FAM81A: variants seen among roughly 807,000 people sequenced by gnomAD.
FAM81A encodes family with sequence similarity 81 member A.
FAM81A carries 19 observed loss-of-function variants against 46.7 expected under a neutral mutation model. The observed-to-expected ratio is 0.41, with a 90% CI of 0.28 to 0.60. The LOEUF (loss-of-function observed/expected upper bound fraction) is 0.60. FAM81A is among the 20% of genes least tolerant of loss of function. FAM81A has a pLI of 0.34. For missense variants in FAM81A, 377 were observed against 453.5 expected, an observed-to-expected ratio of 0.83 and a Z score of 1.53; for synonymous variants, 183 against 152.9, an observed-to-expected ratio of 1.20 and a Z score of -1.45.
intron 8 of FAM81A, among the ~76,000 whole-genome samples, chr15:59,520,754 A>G (rs927809125): frequency 6.6e-6 from 1 of 152,014 alleles, no homozygotes; most frequent in African/African-American, 2.4e-5. Flanking sequence ...TAGTAGAGAC[A>G]GGGTTTCGCC....
chr15:59,516,779 C>T lies in FAM81A; in HGVS notation c.921C>T (p.Ile307=), dbSNP rs373824463. The T allele has an allele frequency of 5.2e-5, 84 of 1,612,816 alleles. No homozygotes were observed. The highest frequency in any genetic ancestry group is 6.6e-5 in the Non-Finnish European group (78 of 1,179,564). Residue 307 remains isoleucine (I), a synonymous_variant, in exon 8 of 9, where the codon ATC becomes ATT. Coordinates refer to ENST00000288228, the MANE Select transcript of FAM81A (RefSeq NM_152450.3). The part of the protein sequence containing the change: ...RQEEEKMHGR[I]TKLELQMNQN... ...AAGAGGAGAAGATGCACGGGCGAATCACCAAGCTGGAGTTACAGATGAACC... is the reference window on the plus strand; with the variant it reads ...AAGAGGAGAAGATGCACGGGCGAATTACCAAGCTGGAGTTACAGATGAACC...
intron 1 of FAM81A, among the ~76,000 whole-genome samples, chr15:59,457,719 A>G (rs2081501853): frequency 6.6e-6 from 1 of 152,200 alleles, no homozygotes; most frequent in African/African-American, 2.4e-5. Flanking sequence ...TGAAACTCCA[A>G]AAATAAAACA....
intron 1 of FAM81A, among the ~76,000 whole-genome samples, chr15:59,454,987 G>C (rs150613095): frequency 1.3e-5 from 2 of 150,754 alleles, no homozygotes; most frequent in East Asian, 3.9e-4. Context: ...TGTTGCCCAG[G>C]CTGGTCCCAA....
intron 3 of FAM81A, among the ~76,000 whole-genome samples, chr15:59,477,075 G>A (rs1465003509): frequency 1.5e-4 from 23 of 149,800 alleles, no homozygotes; most frequent in African/African-American, 5.7e-4. Flanking sequence ...AGCCGAGATC[G>A]TGCCACTGCC....
chr15:59,469,418 G>A (rs1263991357), intron 3 of FAM81A, among the ~76,000 whole-genome samples: 1 of 152,094 alleles, frequency 6.6e-6, no homozygotes, highest in Non-Finnish European at 1.5e-5. Context: ...TATATATTTA[G>A]CATAGTTAGC....
chr15:59,493,112 C>G (rs1434350870), intron 4 of FAM81A, among the ~76,000 whole-genome samples: 3 of 152,184 alleles, frequency 2.0e-5, no homozygotes, highest in Non-Finnish European at 4.4e-5. Flanking sequence ...AGCACCGGAG[C>G]TGAGGAGCAA....
intron 6 of FAM81A, among the ~76,000 whole-genome samples, chr15:59,514,086 G>GGGT (rs1229234961): frequency 8.6e-5 from 13 of 151,938 alleles, no homozygotes; most frequent in Admixed American, 6.6e-4. Flanking sequence ...GCATGGGGGG[G>GGGT]GCAAGGGAGA....
intron 8 of FAM81A, among the ~76,000 whole-genome samples, chr15:59,518,695 TATC>T (rs1311932891): frequency 3.3e-5 from 5 of 152,152 alleles, no homozygotes; most frequent in African/African-American, 9.7e-5. Context: ...TAATACAATG[TATC>T]ATCAATGAAA....
intron 1 of FAM81A, among the ~76,000 whole-genome samples, chr15:59,440,292 T>A (rs539607819): frequency 5.9e-5 from 9 of 151,348 alleles, no homozygotes; most frequent in Non-Finnish European, 2.9e-5. Context: ...GGTGGGGGAG[T>A]AAGACCTAAA....
chr15:59,426,678 A>G (rs1320681109), intron 2 of FAM81A, among the ~76,000 whole-genome samples: 1 of 152,210 alleles, frequency 6.6e-6, no homozygotes, highest in Admixed American at 6.5e-5. Flanking sequence ...ACTTGCTTAT[A>G]CTGATGTTTC....
chr15:59,465,788 T>G (rs2081605304), intron 3 of FAM81A, among the ~76,000 whole-genome samples: 1 of 152,192 alleles, frequency 6.6e-6, no homozygotes, highest in South Asian at 2.1e-4. Context: ...GTTGGTTTGC[T>G]GCACCCATCA....
chr15:59,484,415 A>G (rs1425788405), intron 3 of FAM81A, among the ~76,000 whole-genome samples: 2 of 152,204 alleles, frequency 1.3e-5, no homozygotes, highest in Non-Finnish European at 2.9e-5. Context: ...GTAAGCGATC[A>G]CAGTACCTGA....
intron 3 of FAM81A, among the ~76,000 whole-genome samples, chr15:59,479,519 G>GAAAAAAAAAAAA (rs57107735): frequency 2.3e-4 from 17 of 72,678 alleles, no homozygotes; most frequent in Non-Finnish European, 2.4e-4. Flanking sequence ...TCAAAAATAA[G>GAAAAAAAAAAAA]AAAAAAAAAA....
intron 2 of FAM81A, among the ~76,000 whole-genome samples, chr15:59,419,041 T>C (rs1376489394): frequency 6.6e-6 from 1 of 152,264 alleles, no homozygotes; most frequent in African/African-American, 2.4e-5. Context: ...TCCTAAGTTG[T>C]AGAAATTAGA....
At chr15:59,417,941 G>A (rs1209763338) in intron 2 of FAM81A, among the ~76,000 whole-genome samples, 1 of 151,924 alleles carries the variant, frequency 6.6e-6, no homozygotes. Flanking sequence ...CCCACGACAG[G>A]CCCCGGTGTG....
At chr15:59,412,268 G>A (rs2081124377) in intron 2 of FAM81A, among the ~76,000 whole-genome samples, 1 of 152,190 alleles carries the variant, frequency 6.6e-6, no homozygotes, top group Non-Finnish European at 1.5e-5. Flanking sequence ...TGTTTATGAT[G>A]GCACGGGAGG....
chr15:59,480,868 G>C (rs753258505), intron 3 of FAM81A, among the ~76,000 whole-genome samples: 2 of 152,106 alleles, frequency 1.3e-5, no homozygotes, highest in Non-Finnish European at 2.9e-5. Context: ...TTTCATTCTA[G>C]AATGTATTTA....
chr15:59,415,382 T>C (rs866549798), intron 2 of FAM81A, among the ~76,000 whole-genome samples: 1 of 152,176 alleles, frequency 6.6e-6, no homozygotes, highest in African/African-American at 2.4e-5. Flanking sequence ...CCTCCTAGAA[T>C]GCTGGGATTA....
chr15:59,484,295 GCA>G (rs2081890834), intron 3 of FAM81A, among the ~76,000 whole-genome samples: 1 of 152,178 alleles, frequency 6.6e-6, no homozygotes, highest in Admixed American at 6.5e-5. Context: ...GGACAGGAGG[GCA>G]GAGGAAGATG....
Sources: allele counts gnomAD v4.1 joint callset (sites outside exome capture counted in the v4.1 genomes callset), GRCh38; gene constraint gnomAD v4.1.1; transcripts MANE v1.5; gene names NCBI Gene and HGNC (gene_info 2026-07-23, HGNC 2026-07-21).